The following SLC2A4 variants were observed in gnomAD, a reference collection of about 807,000 sequenced individuals.
SLC2A4 encodes the protein solute carrier family 2, facilitated glucose transporter member 4.
Under a neutral mutation model 53.3 loss-of-function variants are expected in SLC2A4, and 31 were observed. The ratio of observed to expected loss-of-function variants is 0.58; its 90% CI spans 0.44 to 0.78. The LOEUF is 0.78. Ranked by LOEUF, SLC2A4 falls within the 30% of genes least tolerant of loss-of-function variation. The pLI, the probability that SLC2A4 is intolerant of heterozygous loss-of-function variation, is 0.00. For missense variants in SLC2A4, 538 were observed against 655.7 expected, an observed-to-expected ratio of 0.82 and a Z score of 1.96; for synonymous variants, 276 against 281.9, an observed-to-expected ratio of 0.98 and a Z score of 0.21.
In SLC2A4 at chr17:7,285,833, G is replaced by C; in HGVS notation, c.1251G>C (p.Pro417=). 6.2e-7 allele frequency: 1 copy of C among 1,614,192 alleles called. No homozygotes were observed. The highest frequency in any genetic ancestry group is 8.5e-7 in the Non-Finnish European group (1 of 1,180,038). The change falls in exon 10 of 11, where the codon CCG becomes CCC. Residue 417 remains proline, a synonymous_variant. Transcript: ENST00000317370. This position sits in a 1 kb window ranked among gnomAD's most constrained non-coding sequence, Gnocchi z 6.0. ...VAELFSQGPR[P]AAMAVAGFSN... is the part of the protein sequence containing the mutation. ...AGCTCTTCAGCCAGGGACCCCGCCC[G>C]GCAGCCATGGCTGTGGCTGGTTTCT... is the stretch of plus-strand genomic sequence containing the variant.
Position 7,283,354 on chromosome 17 carries a change from C to T in SLC2A4, c.143C>T (p.Pro48Leu). ...FGYNIGVINA[P>L]QKVIEQSYNE... ...TACAACATTGGGGTCATCAATGCCC[C>T]TCAGAAGGTGAGGGCCTGCAGCTGG... Residue 48 changes from proline to leucine, a missense_variant, in exon 2 of 11, where the codon CCT (proline) becomes CTT (leucine). By Grantham distance (98) the Pro-to-Leu change is moderately conservative. Transcript: ENST00000317370. This position sits in a 1 kb window ranked among gnomAD's most constrained non-coding sequence, Gnocchi z 5.8. The T allele has an allele frequency of 1.9e-6, 3 of 1,613,188 alleles. 1 individual carries two copies. In the South Asian group the frequency reaches 3.3e-5, roughly 18 times the overall value.
In SLC2A4 at chr17:7,282,173, T is replaced by C; in HGVS notation, c.33+206T>C. On this transcript the variant is annotated intron_variant, in intron 1 of 10. Coordinates refer to ENST00000317370, the MANE Select transcript of SLC2A4 (RefSeq NM_001042.3). This position sits in a 1 kb window ranked among gnomAD's most constrained non-coding sequence, Gnocchi z 4.1. ...AGGCAGAGTGGGTCTGGAGGGCCTT[T>C]CGGGGCACAGGCAGCAAGTGGATTC... The C allele has an allele frequency of 1.6e-6, 1 of 634,050 alleles. No individual in the cohort carries two copies. The highest frequency in any genetic ancestry group is 1.7e-5 in the South Asian group (1 of 57,182). 39.3% of individuals were successfully genotyped at this position (634,050 alleles called of 1,614,324 possible). A position where few individuals can be genotyped will look rare whatever the true frequency, so the allele number is the denominator to read the frequency against.
Position 7,285,742 on chromosome 17 carries a change from C to A in SLC2A4, c.1160C>A (p.Ala387Asp). The change falls in exon 10 of 11, where the codon GCC (alanine) becomes GAC (aspartate). Residue 387 changes from alanine to aspartate, a missense_variant. Ala to Asp is a moderately radical substitution (Grantham distance 126). Transcript: ENST00000317370. This position sits in a 1 kb window ranked among gnomAD's most constrained non-coding sequence, Gnocchi z 6.0. ...GCCATGAGCTACGTCTCCATTGTGG[C>A]CATCTTTGGCTTCGTGGCATTTTTT... Reference protein sequence around the residue: ...VPAMSYVSIVAIFGFVAFFEI... With the variant: ...VPAMSYVSIVDIFGFVAFFEI... The A allele has an allele frequency of 6.2e-7, 1 of 1,614,232 alleles. No individual in the cohort carries two copies. Among genetic ancestry groups the A allele is most frequent in the South Asian group, 1.1e-5 (1 of 91,090 alleles).
At position 7,286,730 on chromosome 17, in the gene SLC2A4, G is replaced by T; in HGVS notation, c.*101G>T. Reference sequence around the variant, plus strand: ...AACCCTCTCTTCCCTATTATTTCCGGGTGGAAAAGAATCCCTGCAGCCTGG... The same window carrying T: ...AACCCTCTCTTCCCTATTATTTCCGTGTGGAAAAGAATCCCTGCAGCCTGG... On this transcript the variant is annotated 3_prime_UTR_variant, in exon 11 of 11. Transcript: ENST00000317370. 8.7e-7 allele frequency: 1 copy of T among 1,143,520 alleles called. No individual in the cohort carries two copies. Among genetic ancestry groups the T allele is most frequent in the Non-Finnish European group, 1.3e-6 (1 of 764,316 alleles). The allele number at this position is 1,143,520 out of a possible 1,614,324, so 70.8% of individuals were successfully genotyped here.
Position 7,284,306 on chromosome 17 carries a change from C to A in SLC2A4, c.654C>A (p.Val218=), listed in dbSNP as rs1261926946. The stretch of plus-strand genomic sequence containing the variant: ...TGCTACCTGCCCTCCTGCAGCTGGT[C>A]CTGCTGCCCTTCTGTCCCGAGAGCC... ...LTVLPALLQL[V]LLPFCPESPR... The change falls in exon 6 of 11, where the codon GTC becomes GTA. Residue 218 remains valine (V), a synonymous_variant. Transcript: ENST00000317370. This position sits in a 1 kb window ranked among gnomAD's most constrained non-coding sequence, Gnocchi z 7.5. 1 of 1,614,204 alleles carries A rather than the reference C, an allele frequency of 6.2e-7. No homozygotes were observed.
In SLC2A4 at chr17:7,285,225, C is replaced by A; in HGVS notation, c.1122+36C>A. 2.0e-6 allele frequency: 3 copies of A among 1,512,866 alleles called. No individual in the cohort carries two copies. Among genetic ancestry groups the A allele is most frequent in the Non-Finnish European group, 1.8e-6 (2 of 1,109,652 alleles). 93.7% of individuals were successfully genotyped at this position (1,512,866 alleles called of 1,614,324 possible). A position where few individuals can be genotyped will look rare whatever the true frequency, so the allele number is the denominator to read the frequency against. ...GAGGCTAGGAGGGGCTAGCAGCCCA[C>A]CCCATGGGAATGGTCCTGTGAGTCT... On this transcript the variant is annotated intron_variant, in intron 9 of 10. Coordinates refer to ENST00000317370, the MANE Select transcript of SLC2A4 (RefSeq NM_001042.3). The surrounding 1 kb of genome is among the most constrained non-coding windows in gnomAD (Gnocchi z 6.0).
Position 7,282,858 on chromosome 17 carries a change from T to C in SLC2A4, c.34-387T>C, listed in dbSNP as rs2072414153. The C allele has an allele frequency of 5.5e-6, 2 of 361,290 alleles. No individual in the cohort carries two copies. The highest frequency in any genetic ancestry group is 1.1e-5 in the Non-Finnish European group (2 of 185,272). 22.4% of individuals were successfully genotyped at this position (361,290 alleles called of 1,614,324 possible). A position where few individuals can be genotyped will look rare whatever the true frequency, so the allele number is the denominator to read the frequency against. ...TTGATTTTCACAACACTCTCACAGA[T>C]AGGTAGGCAAGGCAGGCAACATCAC... On this transcript the variant is annotated intron_variant, in intron 1 of 10. Transcript: ENST00000317370. This position sits in a 1 kb window ranked among gnomAD's most constrained non-coding sequence, Gnocchi z 4.1.
rs1241974923 is a variant in SLC2A4, at chr17:7,284,789, G to A, written c.916-46G>A. ...GCCAGCCTGTTGTGGCTGGAGTAGA[G>A]GAAGGGGCATTCCTGCCATCACTTC... On this transcript the variant is annotated intron_variant, in intron 7 of 10. Transcript: ENST00000317370. This position sits in a 1 kb window ranked among gnomAD's most constrained non-coding sequence, Gnocchi z 7.5. 1 of 1,612,986 alleles carries A rather than the reference G, an allele frequency of 6.2e-7. No homozygotes were observed. Among genetic ancestry groups the A allele is most frequent in the East Asian group, 2.2e-5 (1 of 44,882 alleles).
Position 7,282,703 on chromosome 17 carries a change from C to T in SLC2A4, c.34-542C>T, listed in dbSNP as rs16956647. 0.033 allele frequency among the ~76,000 whole-genome samples: 5,032 copies of T among 152,308 alleles called. 290 individuals carry two copies. The highest frequency in any genetic ancestry group is 0.27 in the East Asian group (1,399 of 5,164). ...CTTTCTGGAACAGCACTTCTTGGTC[C>T]TGTTGGGGGCCTCCTGGAGCTGGCT... On this transcript the variant is annotated intron_variant, in intron 1 of 10. Coordinates refer to ENST00000317370, the MANE Select transcript of SLC2A4 (RefSeq NM_001042.3). This position sits in a 1 kb window ranked among gnomAD's most constrained non-coding sequence, Gnocchi z 4.1.
chr17:7,286,018 T>G, intron 10 of SLC2A4, 110 bp downstream of exon 10: 3 of 993,508 alleles, frequency 3.0e-6, no homozygotes, highest in Non-Finnish European at 4.5e-6. Context: ...CCATGGGTCT[T>G]TGGGTCAGTT....
In SLC2A4 at chr17:7,287,638, A is replaced by T. The variant is rs1352303049; in HGVS notation, c.*1009A>T. 1 of 152,234 alleles carries T rather than the reference A, an allele frequency of 6.6e-6. No individual in the cohort carries two copies. The highest frequency in any genetic ancestry group is 2.4e-5 in the African/African-American group (1 of 41,470). 9.4% of individuals were successfully genotyped at this position (152,234 alleles called of 1,614,324 possible). The stretch of plus-strand genomic sequence containing the variant: ...AACTTTCTTCCTCTCCCTTCCTGGA[A>T]GGGTGCTGCATCCACAGGCTTTTGA... On this transcript the variant is annotated 3_prime_UTR_variant, in exon 11 of 11. Transcript: ENST00000317370.
Position 7,284,435 on chromosome 17 carries a change from G to A in SLC2A4, c.728-50G>A, listed in dbSNP as rs2072430743. 4 of 1,614,130 alleles carry A rather than the reference G, an allele frequency of 2.5e-6. No individual in the cohort carries two copies. The highest frequency in any genetic ancestry group is 2.5e-6 in the Non-Finnish European group (3 of 1,179,980). On this transcript the variant is annotated intron_variant, in intron 6 of 10. Coordinates refer to ENST00000317370, the MANE Select transcript of SLC2A4 (RefSeq NM_001042.3). The surrounding 1 kb of genome is among the most constrained non-coding windows in gnomAD (Gnocchi z 7.5). Reference sequence around the variant, plus strand: ...CCCATGCCTCCGCCTCATCTTGCTAGCACCTGGCTTCCTCTCAGGTCCCCT... The same window carrying A: ...CCCATGCCTCCGCCTCATCTTGCTAACACCTGGCTTCCTCTCAGGTCCCCT...
rs774847536 is a variant in SLC2A4 at position 7,286,537 on chromosome 17, T to G, written c.1438T>G (p.Ser480Ala). 20 of 1,614,136 alleles carry G rather than the reference T, an allele frequency of 1.2e-5. No homozygotes were observed. In the South Asian group the frequency reaches 2.2e-4, roughly 18 times the overall value. ...ETRGRTFDQI[S>A]AAFHRTPSLL... is the part of the protein sequence containing the mutation. ...TCGAGGCCGGACGTTTGACCAGATC[T>G]CAGCTGCCTTCCACCGGACACCCTC... The change falls in exon 11 of 11, where the codon TCA becomes GCA. Residue 480 changes from serine to alanine, a missense_variant. By Grantham distance (99) the Ser-to-Ala change is moderately conservative (BLOSUM62 1). Coordinates refer to ENST00000317370, the MANE Select transcript of SLC2A4 (RefSeq NM_001042.3).
chr17:7,284,688 C>A lies in SLC2A4; in HGVS notation c.915+16C>A, dbSNP rs374133989. 1.9e-6 allele frequency: 3 copies of A among 1,613,590 alleles called. No individual in the cohort carries two copies. In the South Asian group the frequency reaches 3.3e-5, roughly 18 times the overall value. On this transcript the variant is annotated intron_variant, in intron 7 of 10. Coordinates refer to ENST00000317370, the MANE Select transcript of SLC2A4 (RefSeq NM_001042.3). The surrounding 1 kb of genome is among the most constrained non-coding windows in gnomAD (Gnocchi z 7.5). ...CATCAATGCTGTATGTGTGGAGCAGCCTCCAGGCAGGGCACAGCCCCGGGA... is the reference window on the plus strand; with the variant it reads ...CATCAATGCTGTATGTGTGGAGCAGACTCCAGGCAGGGCACAGCCCCGGGA...
chr17:7,285,018 C>G lies in SLC2A4; in HGVS notation c.1021-70C>G. 3 of 1,613,604 alleles carry G rather than the reference C, an allele frequency of 1.9e-6. No individual in the cohort carries two copies. The highest frequency in any genetic ancestry group is 2.5e-6 in the Non-Finnish European group (3 of 1,179,844). The stretch of plus-strand genomic sequence containing the variant: ...TCCCGGAGGTCCTGCTCTTGGTTGC[C>G]CTCACCCACGCGGCCCCTCCTACTT... On this transcript the variant is annotated intron_variant, in intron 8 of 10. Transcript: ENST00000317370. The surrounding 1 kb of genome is among the most constrained non-coding windows in gnomAD (Gnocchi z 6.0).
rs2072455870 is a variant in SLC2A4, at chr17:7,286,980, T to C, written c.*351T>C. The C allele has an allele frequency of 2.9e-6, 1 of 349,798 alleles. No homozygotes were observed. Among genetic ancestry groups the C allele is most frequent in the Admixed American group, 3.9e-5 (1 of 25,560 alleles). The allele number at this position is 349,798 out of a possible 1,614,324, so 21.7% of individuals were successfully genotyped here. On this transcript the variant is annotated 3_prime_UTR_variant, in exon 11 of 11. Transcript: ENST00000317370. ...AGGGGGATTGGAGGGAAGACAGGTCTAGACTTTCTCAGTGGGACAAACCAG... is the reference window on the plus strand; with the variant it reads ...AGGGGGATTGGAGGGAAGACAGGTCCAGACTTTCTCAGTGGGACAAACCAG...
chr17:7,284,491 A>G lies in SLC2A4; in HGVS notation c.734A>G (p.Lys245Arg). 1 of 1,614,238 alleles carries G rather than the reference A, an allele frequency of 6.2e-7. No individual in the cohort carries two copies. Among genetic ancestry groups the G allele is most frequent in the Non-Finnish European group, 8.5e-7 (1 of 1,180,044 alleles). Residue 245 changes from lysine (K) to arginine (R), a missense_variant, in exon 7 of 11, where the codon AAG becomes AGG. Lys to Arg is a conservative substitution (Grantham distance 26, BLOSUM62 2). Coordinates refer to ENST00000317370, the MANE Select transcript of SLC2A4 (RefSeq NM_001042.3). The surrounding 1 kb of genome is among the most constrained non-coding windows in gnomAD (Gnocchi z 7.5). Reference sequence around the variant, plus strand: ...CTGACCTTCCCTTCTCCAGGTCTGAAGCGCCTGACAGGCTGGGCCGATGTT... The same window carrying G: ...CTGACCTTCCCTTCTCCAGGTCTGAGGCGCCTGACAGGCTGGGCCGATGTT... ...NLEGPARKSL[K>R]RLTGWADVSG...
Position 7,285,888 on chromosome 17 carries a change from A to G in SLC2A4, c.1306A>G (p.Met436Val), listed in dbSNP as rs1259793793. The G allele has an allele frequency of 6.2e-7, 1 of 1,613,922 alleles. No homozygotes were observed. Among genetic ancestry groups the G allele is most frequent in the East Asian group, 2.2e-5 (1 of 44,870 alleles). ...SNWTSNFIIG[M>V]GFQYVAEAMG... ...CTGGACGAGCAACTTCATCATTGGC[A>G]TGGGTTTCCAGTATGTTGCGGTAGG... The change falls in exon 10 of 11, where the codon ATG becomes GTG. Residue 436 changes from methionine to valine, a missense_variant. Physicochemically the swap from Met to Val is conservative, Grantham distance 21 (BLOSUM62 1). Coordinates refer to ENST00000317370, the MANE Select transcript of SLC2A4 (RefSeq NM_001042.3). The surrounding 1 kb of genome is among the most constrained non-coding windows in gnomAD (Gnocchi z 6.0).
In SLC2A4 at chr17:7,283,679, G is replaced by T; in HGVS notation, c.323+34G>T. The T allele has an allele frequency of 6.2e-7, 1 of 1,613,940 alleles. No homozygotes were observed. Among genetic ancestry groups the T allele is most frequent in the South Asian group, 1.1e-5 (1 of 91,080 alleles). On this transcript the variant is annotated intron_variant, in intron 3 of 10. Transcript: ENST00000317370. The surrounding 1 kb of genome is among the most constrained non-coding windows in gnomAD (Gnocchi z 5.8). ...CTGGAGGGCAGGGGTGGGGGAAACAGGAAGGGAGCCACTGCTGGGTGCCCT... is the reference window on the plus strand; with the variant it reads ...CTGGAGGGCAGGGGTGGGGGAAACATGAAGGGAGCCACTGCTGGGTGCCCT...
Sources: gnomAD v4.1 joint callset for allele counts (sites outside exome capture counted in the v4.1 genomes callset) on GRCh38, gnomAD v4.1.1 for gene constraint, Gnocchi (gnomAD v3.1) non-coding constraint, MANE v1.5 for transcripts, NCBI Gene and HGNC (gene_info 2026-07-23, HGNC 2026-07-21) for gene names.